Variants in EDNRA observed in about 807,000 individuals in gnomAD.
The protein encoded by EDNRA is endothelin-1 receptor.
EDNRA carries 11 observed loss-of-function variants against 41.4 expected under a neutral mutation model. The observed-to-expected ratio is 0.27, with a 90% CI of 0.17 to 0.44. The LOEUF (loss-of-function observed/expected upper bound fraction) is 0.44. EDNRA is among the 20% of genes least tolerant of loss of function. The probability of loss-of-function intolerance (pLI) is 1.00; values close to 1 mark genes in which losing one functional copy is unlikely to be tolerated. For missense variants in EDNRA, 294 were observed against 531.0 expected (o/e 0.55, Z 4.39); for synonymous variants, 172 against 183.0 (o/e 0.94, Z 0.49).
At chr4:147,487,049 C>T (rs1728972752) in intron 2 of EDNRA, among the ~76,000 whole-genome samples, 1 of 152,052 alleles carries the variant, frequency 6.6e-6, no homozygotes, top group Admixed American at 6.6e-5. Flanking sequence ...AGAAGGGGTG[C>T]AGGCACGTAA....
At chr4:147,499,491 G>C (rs1334927432) in intron 2 of EDNRA, among the ~76,000 whole-genome samples, 1 of 152,192 alleles carries the variant, frequency 6.6e-6, no homozygotes, top group Non-Finnish European at 1.5e-5. Flanking sequence ...AAGATCTATT[G>C]TCTCTTCGTT....
chr4:147,520,691 A>G (rs1480254356), intron 3 of EDNRA, among the ~76,000 whole-genome samples: 1 of 152,214 alleles, frequency 6.6e-6, no homozygotes, highest in East Asian at 1.9e-4. Context: ...ATAATCTCAC[A>G]CAAGTGGTGT....
intron 3 of EDNRA, among the ~76,000 whole-genome samples, chr4:147,522,861 A>C (rs1309497221): frequency 6.6e-6 from 1 of 152,204 alleles, no homozygotes; most frequent in Non-Finnish European, 1.5e-5. Flanking sequence ...GTTGAGTTAC[A>C]GTTTAATTTT....
intron 3 of EDNRA, among the ~76,000 whole-genome samples, chr4:147,527,563 T>C (rs1324920921): frequency 1.3e-5 from 2 of 152,180 alleles, no homozygotes; most frequent in African/African-American, 4.8e-5. Context: ...GGTATCTTTT[T>C]AATTTGTTTT....
At chr4:147,494,082 A>C (rs1729227398) in intron 2 of EDNRA, 1 of 152,184 alleles carries the variant, frequency 6.6e-6, no homozygotes, top group Admixed American at 6.5e-5. Context: ...ACTTGCCCTA[A>C]ACATGAGACT....
At chr4:147,520,376 G>A (rs200969510) in intron 3 of EDNRA, 96 of 518,174 alleles carry the variant, frequency 1.9e-4, no homozygotes, top group Non-Finnish European at 3.1e-4. Flanking sequence ...TTGAGTGAGA[G>A]GTAAGTGCAC....
intron 2 of EDNRA, among the ~76,000 whole-genome samples, chr4:147,502,021 G>C (rs181738881): frequency 5.7e-4 from 86 of 152,202 alleles, no homozygotes; most frequent in African/African-American, 2.0e-3. Context: ...TTTAGATTAG[G>C]CATTTCTCTT....
chr4:147,490,943 G>A (rs938978950), intron 2 of EDNRA: 1 of 152,190 alleles, frequency 6.6e-6, no homozygotes, highest in African/African-American at 2.4e-5. Flanking sequence ...GATGGAGTAA[G>A]GGAAAGAAGT....
At position 147,501,379 on chromosome 4, in the gene EDNRA, T is replaced by C. The variant is rs10305882; in HGVS notation, c.420+15278T>C. Among the ~76,000 whole-genome samples, 151 of 152,334 alleles carry C rather than the reference T, an allele frequency of 9.9e-4. 6 individuals carry two copies. The South Asian group carries it at 0.03, about 30-fold the overall frequency. ...ACAGTCTCACACATTTATGCCTTTG[T>C]ATAAATTAGAGAAAATCCTAATGTT... On this transcript the variant is annotated intron_variant, in intron 2 of 7. Coordinates refer to ENST00000651419, the MANE Select transcript of EDNRA (RefSeq NM_001957.4).
chr4:147,493,214 A>G (rs1034390018), intron 2 of EDNRA: 1 of 152,080 alleles, frequency 6.6e-6, no homozygotes, highest in African/African-American at 2.4e-5. Context: ...ATGATGCAGG[A>G]AAGTTTTAGG....
rs1032617225 is a variant in EDNRA at position 147,539,698 on chromosome 4, C to T, written c.901-119C>T. ...GAGGCAGTGTAAGCCAGGCTGTTCTCCTGGCTCTTCTTTGAATTATTCTTT... is the reference window on the plus strand; with the variant it reads ...GAGGCAGTGTAAGCCAGGCTGTTCTTCTGGCTCTTCTTTGAATTATTCTTT... On this transcript the variant is annotated intron_variant, in intron 5 of 7. Transcript: ENST00000651419. 12 of 1,210,710 alleles carry T rather than the reference C, an allele frequency of 9.9e-6. No homozygotes were observed. The Admixed American group carries it at 1.4e-4, about 15-fold the overall frequency. 75.0% of individuals were successfully genotyped at this position (1,210,710 alleles called of 1,614,324 possible).
chr4:147,516,765 T>C (rs915076127), intron 2 of EDNRA, among the ~76,000 whole-genome samples: 2 of 152,200 alleles, frequency 1.3e-5, no homozygotes, highest in Non-Finnish European at 2.9e-5. Context: ...CAGTTGCTTG[T>C]TAACATTAGT....
chr4:147,540,851 C>T (rs1341217098), intron 7 of EDNRA, among the ~76,000 whole-genome samples: 2 of 151,836 alleles, frequency 1.3e-5, no homozygotes, highest in Non-Finnish European at 2.9e-5. Flanking sequence ...AAAATATAAG[C>T]TCTATTGTTA....
rs754644082 is a variant in EDNRA, at chr4:147,483,185, GC to G, written c.-71+1810del. ...AGATACTCACTCCAGATTATAAGAAGCAGGAAAAAACTGCAAACTGTTTATA... is the reference window on the plus strand; with the variant it reads ...AGATACTCACTCCAGATTATAAGAAGAGGAAAAAACTGCAAACTGTTTATA... On this transcript the variant is annotated intron_variant, in intron 1 of 7. Coordinates refer to ENST00000651419, the MANE Select transcript of EDNRA (RefSeq NM_001957.4). Among the ~76,000 whole-genome samples, 146 of 151,614 alleles carry G rather than the reference GC, an allele frequency of 9.6e-4. 5 individuals carry two copies. The South Asian group carries it at 0.029, about 30-fold the overall frequency.
chr4:147,506,090 G>T (rs2126420682), intron 2 of EDNRA: 1 of 517,726 alleles, frequency 1.9e-6, no homozygotes, highest in South Asian at 1.4e-5. Context: ...TATCCTGGCA[G>T]GTTCCTGAAT....
chr4:147,503,429 A>G (rs1729581755), intron 2 of EDNRA, among the ~76,000 whole-genome samples: 1 of 152,134 alleles, frequency 6.6e-6, no homozygotes, highest in Non-Finnish European at 1.5e-5. Flanking sequence ...AGGAAGCAGG[A>G]AAGAGCAGGA....
At chr4:147,495,120 T>TG (rs1289861028) in intron 2 of EDNRA, 1 of 152,206 alleles carries the variant, frequency 6.6e-6, no homozygotes, top group Non-Finnish European at 1.5e-5. Context: ...GACATGCTAC[T>TG]GTTGCCTGAA....
intron 3 of EDNRA, among the ~76,000 whole-genome samples, chr4:147,527,047 T>C (rs1730580199): frequency 6.6e-6 from 1 of 152,224 alleles, no homozygotes; most frequent in Non-Finnish European, 1.5e-5. Context: ...TCAAGTTTGC[T>C]GTTAATTAAA....
chr4:147,523,500 T>TTG (rs1730412313), intron 3 of EDNRA, among the ~76,000 whole-genome samples: 2 of 148,850 alleles, frequency 1.3e-5, no homozygotes, highest in African/African-American at 5.1e-5. Flanking sequence ...TTTTTTTGTT[T>TTG]TTTTTTTTGA....
Sources: gnomAD v4.1 joint callset for allele counts (sites outside exome capture counted in the v4.1 genomes callset) on GRCh38, gnomAD v4.1.1 for gene constraint, MANE v1.5 for transcripts, NCBI Gene and HGNC (gene_info 2026-07-23, HGNC 2026-07-21) for gene names.